The following PTPN13 variants were observed in gnomAD, a reference collection of about 807,000 sequenced individuals.
PTPN13 encodes protein tyrosine phosphatase non-receptor type 13.
Under a neutral mutation model 284.0 loss-of-function variants are expected in PTPN13, and 191 were observed. The observed-to-expected ratio is 0.67, with a 90% CI of 0.60 to 0.76. PTPN13 has a LOEUF of 0.76. Ranked by LOEUF, PTPN13 falls within the 30% of genes least tolerant of loss-of-function variation. The pLI is 0.00. For missense variants in PTPN13, 2,797 were observed against 2,939.9 expected (o/e 0.95, Z 1.12); for synonymous variants, 986 against 1,022.3 (o/e 0.96, Z 0.68).
chr4:86,785,918 A>G lies in PTPN13; in HGVS notation c.6327A>G (p.Leu2109=). 6.4e-7 allele frequency: 1 copy of G among 1,553,384 alleles called. No individual in the cohort carries two copies. Among genetic ancestry groups the G allele is most frequent in the Non-Finnish European group, 8.7e-7 (1 of 1,146,152 alleles). ...TEDTDCDGSP[L]PEYFTEATKM... ...ATACAGACTGCGATGGTTCACCTTT[A>G]CCTGAGTATTTTACTGAGGTAACAA... Residue 2109 remains leucine (L), a synonymous_variant, in exon 40 of 48, where the codon TTA becomes TTG. Coordinates refer to ENST00000411767, the MANE Select transcript of PTPN13 (RefSeq NM_080683.3).
chr4:86,794,422 T>C (rs988028550), intron 40 of PTPN13, among the ~76,000 whole-genome samples: 4 of 152,050 alleles, frequency 2.6e-5, no homozygotes, highest in African/African-American at 9.7e-5. Flanking sequence ...GGAAGAACAT[T>C]CCATGCTCAT....
intron 17 of PTPN13, among the ~76,000 whole-genome samples, chr4:86,745,842 G>A (rs1031392864): frequency 6.6e-6 from 1 of 152,154 alleles, no homozygotes; most frequent in African/African-American, 2.4e-5. Context: ...TATACTGTTA[G>A]AAGAGGGAAA....
In PTPN13 at chr4:86,659,764, C is replaced by T. The variant is rs563362434; in HGVS notation, c.116-12601C>T. On this transcript the variant is annotated intron_variant, in intron 2 of 47. Coordinates refer to ENST00000411767, the MANE Select transcript of PTPN13 (RefSeq NM_080683.3). ...CTGGGAGGCAGAGGTTGCGGTGAGC[C>T]GAGATGGTGACACCGCACTCCAGCC... Among the ~76,000 whole-genome samples, 9 of 151,472 alleles carry T rather than the reference C, an allele frequency of 5.9e-5. No homozygotes were observed. The South Asian group carries it at 1.7e-3, about 28-fold the overall frequency.
chr4:86,762,562 T>C (rs181519890), intron 23 of PTPN13, among the ~76,000 whole-genome samples, 165 bp from the exon 24 acceptor site: 218 of 152,276 alleles, frequency 1.4e-3, no homozygotes, highest in Non-Finnish European at 2.5e-3. Context: ...GTCACAAGAA[T>C]GACCAAAGGA....
intron 1 of PTPN13, among the ~76,000 whole-genome samples, chr4:86,623,777 A>G (rs1721522092): frequency 6.6e-6 from 1 of 152,186 alleles, no homozygotes; most frequent in Non-Finnish European, 1.5e-5. Flanking sequence ...AACTTTGCTC[A>G]AATGACAAAC....
In PTPN13 at chr4:86,809,905, A is replaced by G. The variant is rs1210765323; in HGVS notation, c.7220A>G (p.His2407Arg). ...HIHRSGPIIT[H>R]CSAGIGRSGT... is the part of the protein sequence containing the mutation. ...CACAGATCAGGCCCAATCATTACGCACTGCAGTGCTGGCATTGGACGTTCA... is the reference window on the plus strand; with the variant it reads ...CACAGATCAGGCCCAATCATTACGCGCTGCAGTGCTGGCATTGGACGTTCA... Residue 2407 changes from histidine (H) to arginine (R), a missense_variant, in exon 46 of 48, where the codon CAC (histidine) becomes CGC (arginine). Physicochemically the swap from His to Arg is conservative, Grantham distance 29. Coordinates refer to ENST00000411767, the MANE Select transcript of PTPN13 (RefSeq NM_080683.3). The G allele has an allele frequency of 6.2e-7, 1 of 1,613,852 alleles. No homozygotes were observed. The highest frequency in any genetic ancestry group is 1.3e-5 in the African/African-American group (1 of 74,918).
At chr4:86,649,598 A>G (rs982619915) in intron 2 of PTPN13, among the ~76,000 whole-genome samples, 2 of 152,070 alleles carry the variant, frequency 1.3e-5, no homozygotes, top group African/African-American at 2.4e-5. Context: ...GTCTGTTTCT[A>G]TGTTAATACC....
intron 1 of PTPN13, among the ~76,000 whole-genome samples, chr4:86,612,457 T>C (rs1193279956): frequency 1.3e-5 from 2 of 152,142 alleles, no homozygotes; most frequent in East Asian, 3.9e-4. Flanking sequence ...GCTCAACATA[T>C]GAAATTTGAG....
At position 86,788,444 on chromosome 4, in the gene PTPN13, T is replaced by A. The variant is rs539251742; in HGVS notation, c.6345+2508T>A. On this transcript the variant is annotated intron_variant, in intron 40 of 47. Coordinates refer to ENST00000411767, the MANE Select transcript of PTPN13 (RefSeq NM_080683.3). ...TGGTTCTAACAGTATATTCTGTAACTTTGAAAGTTTTATCATGTGGCAAAA... is the reference window on the plus strand; with the variant it reads ...TGGTTCTAACAGTATATTCTGTAACATTGAAAGTTTTATCATGTGGCAAAA... 6.8e-4 allele frequency among the ~76,000 whole-genome samples: 103 copies of A among 152,314 alleles called. 2 individuals carry two copies. In the South Asian group the frequency reaches 0.021, roughly 31 times the overall value.
At chr4:86,706,523 A>T (rs1731788054) in intron 7 of PTPN13, among the ~76,000 whole-genome samples, 1 of 152,158 alleles carries the variant, frequency 6.6e-6, no homozygotes, top group African/African-American at 2.4e-5. Context: ...CCATTATGTT[A>T]TCTATTGTGG....
At chr4:86,697,317 T>A (rs548342390) in intron 6 of PTPN13, among the ~76,000 whole-genome samples, 1 of 152,222 alleles carries the variant, frequency 6.6e-6, no homozygotes, top group Admixed American at 6.5e-5. Flanking sequence ...AAAGAAAATG[T>A]TAAGATGGAC....
chr4:86,813,072 G>T (rs530857796), intron 47 of PTPN13, among the ~76,000 whole-genome samples: 1 of 152,176 alleles, frequency 6.6e-6, no homozygotes, highest in African/African-American at 2.4e-5. Flanking sequence ...TTAAAATACA[G>T]ATAAGCAAAA....
chr4:86,741,311 A>G lies in PTPN13; in HGVS notation c.2305-323A>G, dbSNP rs575037128. Reference sequence around the variant, plus strand: ...AGAGCTTTAATGGACTTACAGTTCCATGTGACTGAGGAGGCCTCACAATCA... The same window carrying G: ...AGAGCTTTAATGGACTTACAGTTCCGTGTGACTGAGGAGGCCTCACAATCA... On this transcript the variant is annotated intron_variant, in intron 15 of 47. Transcript: ENST00000411767. 3.9e-5 allele frequency among the ~76,000 whole-genome samples: 6 copies of G among 152,360 alleles called. No homozygotes were observed. In the East Asian group the frequency reaches 1.2e-3, roughly 29 times the overall value.
chr4:86,757,986 A>C (rs1185222479), intron 20 of PTPN13, among the ~76,000 whole-genome samples: 1 of 152,212 alleles, frequency 6.6e-6, no homozygotes, highest in Non-Finnish European at 1.5e-5. Flanking sequence ...TGTGCAAATC[A>C]TTTAACCTAT....
chr4:86,638,688 T>G (rs1723358265), intron 2 of PTPN13, among the ~76,000 whole-genome samples: 1 of 152,118 alleles, frequency 6.6e-6, no homozygotes, highest in Non-Finnish European at 1.5e-5. Flanking sequence ...TCAAGATGGA[T>G]TAAAGATTTA....
chr4:86,645,660 AAAGT>A (rs1266338996), intron 2 of PTPN13, among the ~76,000 whole-genome samples: 1 of 152,220 alleles, frequency 6.6e-6, no homozygotes, highest in Non-Finnish European at 1.5e-5. Context: ...TATGAAACAA[AAAGT>A]AAAACACAGT....
chr4:86,606,518 A>C (rs1281762485), intron 1 of PTPN13, among the ~76,000 whole-genome samples: 1 of 151,862 alleles, frequency 6.6e-6, no homozygotes, highest in African/African-American at 2.4e-5. Context: ...GAAATGAATG[A>C]ATGAAATAAT....
At chr4:86,783,538 C>G (rs778581842) in intron 37 of PTPN13, among the ~76,000 whole-genome samples, 5 of 151,666 alleles carry the variant, frequency 3.3e-5, no homozygotes, top group Non-Finnish European at 1.5e-5. Context: ...TAAAATCTTC[C>G]AGGAAGTCTC....
At chr4:86,686,996 T>C (rs767719232) in intron 4 of PTPN13, among the ~76,000 whole-genome samples, 1 of 152,204 alleles carries the variant, frequency 6.6e-6, no homozygotes, top group African/African-American at 2.4e-5. Flanking sequence ...ATTGTAGCAA[T>C]CACTACCCAG....
Sources: allele counts gnomAD v4.1 joint callset (sites outside exome capture counted in the v4.1 genomes callset), GRCh38; gene constraint gnomAD v4.1.1; transcripts MANE v1.5; gene names NCBI Gene and HGNC (gene_info 2026-07-23, HGNC 2026-07-21).